Variants in MYCBP2 observed in about 807,000 individuals in gnomAD.
MYCBP2 encodes E3 ubiquitin-protein ligase MYCBP2.
MYCBP2 carries 120 observed loss-of-function variants against 525.3 expected under a neutral mutation model. The ratio of observed to expected loss-of-function variants is 0.23; its 90% CI spans 0.20 to 0.27. The LOEUF is 0.27. Among genes scored for constraint, MYCBP2 ranks in the 10% least tolerant of loss-of-function variants. The pLI, the probability that MYCBP2 is intolerant of heterozygous loss-of-function variation, is 1.00. For missense variants in MYCBP2, 4,149 were observed against 5,657.1 expected, an observed-to-expected ratio of 0.73 and a Z score of 8.55; for synonymous variants, 1,894 against 1,955.8, an observed-to-expected ratio of 0.97 and a Z score of 0.83.
At chr13:77,177,123 T>C (rs1190093712) in intron 35 of MYCBP2, among the ~76,000 whole-genome samples, 2 of 151,428 alleles carry the variant, frequency 1.3e-5, no homozygotes, top group Non-Finnish European at 2.9e-5. Context: ...CATCTCAACA[T>C]TGTGTTTCTT....
Position 77,081,841 on chromosome 13 carries a change from C to T in MYCBP2, c.11189G>A (p.Ser3730Asn). The T allele has an allele frequency of 6.2e-7, 1 of 1,611,950 alleles. No homozygotes were observed. ...ATAATAACTGAAATGACTGACCTGA[C>T]TCATAGCTTCAAAGCCAGACTGTAT... Reference protein sequence around the residue: ...ISIQSGFEAMSQELCIVMCLK... With the variant: ...ISIQSGFEAMNQELCIVMCLK... The change falls in exon 64 of 83, where the codon AGT becomes AAT. Residue 3730 changes from serine to asparagine, a missense_variant. By Grantham distance (46) the Ser-to-Asn change is conservative. Coordinates refer to ENST00000544440, the MANE Select transcript of MYCBP2 (RefSeq NM_015057.5). The surrounding 1 kb of genome is among the most constrained non-coding windows in gnomAD (Gnocchi z 4.6).
At chr13:77,165,793 A>G (rs1349520154) in intron 41 of MYCBP2, among the ~76,000 whole-genome samples, 1 of 152,216 alleles carries the variant, frequency 6.6e-6, no homozygotes, top group East Asian at 1.9e-4. Flanking sequence ...ACAAATAGGC[A>G]GGTCAGAGTG....
At chr13:77,293,778 AG>A (rs1239246215) in intron 2 of MYCBP2, among the ~76,000 whole-genome samples, 1 of 152,114 alleles carries the variant, frequency 6.6e-6, no homozygotes, top group Non-Finnish European at 1.5e-5. Flanking sequence ...CCACAACCCA[AG>A]ACATCTGAGC....
At chr13:77,321,014 C>G (rs992399738) in intron 1 of MYCBP2, among the ~76,000 whole-genome samples, 3 of 152,146 alleles carry the variant, frequency 2.0e-5, no homozygotes, top group Non-Finnish European at 2.9e-5. Flanking sequence ...TGGAAACAGT[C>G]TATACTTGAC....
intron 52 of MYCBP2, 141 bp from the exon 53 acceptor site, chr13:77,126,683 T>G: frequency 1.6e-6 from 1 of 606,598 alleles, no homozygotes; most frequent in Non-Finnish European, 2.8e-6. Context: ...ACTGAAGAAT[T>G]AGTCATTAGC....
At chr13:77,048,484 T>A (rs1451480253) in intron 82 of MYCBP2, among the ~76,000 whole-genome samples, 1 of 152,208 alleles carries the variant, frequency 6.6e-6, no homozygotes, top group Non-Finnish European at 1.5e-5. Context: ...GTAAACTGTA[T>A]ATGGCCATCT....
chr13:77,185,846 G>A, intron 31 of MYCBP2, 25 bp downstream of exon 31: 1 of 1,495,266 alleles, frequency 6.7e-7, no homozygotes, highest in Non-Finnish European at 9.0e-7. Flanking sequence ...TCTCCCTATA[G>A]TCATTTAAAA....
intron 52 of MYCBP2, among the ~76,000 whole-genome samples, chr13:77,135,089 A>G (rs1435277440): frequency 6.6e-6 from 1 of 152,244 alleles, no homozygotes; most frequent in African/African-American, 2.4e-5. Flanking sequence ...TAACGTGCAC[A>G]CATTGATGTC....
At chr13:77,292,888 T>C (rs755386713) in intron 2 of MYCBP2, among the ~76,000 whole-genome samples, 3 of 134,538 alleles carry the variant, frequency 2.2e-5, no homozygotes, top group Non-Finnish European at 3.0e-5. Context: ...ACCCAGGAGG[T>C]AGAAGCTGCA....
intron 7 of MYCBP2, among the ~76,000 whole-genome samples, chr13:77,268,957 A>G (rs544720086): frequency 7.9e-5 from 12 of 152,196 alleles, no homozygotes; most frequent in Non-Finnish European, 1.8e-4. Flanking sequence ...GGAAATCTTT[A>G]TTCTTTATCC....
At chr13:77,178,084 C>T (rs2059878944) in intron 34 of MYCBP2, 130 bp from the exon 35 acceptor site, 1 of 631,100 alleles carries the variant, frequency 1.6e-6, no homozygotes, top group African/African-American at 1.8e-5. Context: ...AAGGTATGTT[C>T]TACTGAGAGA....
intron 4 of MYCBP2, among the ~76,000 whole-genome samples, chr13:77,276,098 T>C (rs988026812): frequency 1.3e-5 from 2 of 152,350 alleles, no homozygotes; most frequent in South Asian, 2.1e-4. Flanking sequence ...ATAACAGCAA[T>C]AGTATCGCAC....
intron 1 of MYCBP2, among the ~76,000 whole-genome samples, chr13:77,299,210 C>T (rs1444165857): frequency 6.6e-6 from 1 of 152,104 alleles, no homozygotes; most frequent in Non-Finnish European, 1.5e-5. Flanking sequence ...CAAGTTATAA[C>T]TGACTCAAAT....
chr13:77,149,971 A>T (rs1228936471), intron 47 of MYCBP2, among the ~76,000 whole-genome samples: 1 of 152,210 alleles, frequency 6.6e-6, no homozygotes, highest in Non-Finnish European at 1.5e-5. Flanking sequence ...TACAAAACAC[A>T]AATCTAATCA....
At chr13:77,317,938 A>AAAAACAT (rs2081152951) in intron 1 of MYCBP2, among the ~76,000 whole-genome samples, 3 of 131,962 alleles carry the variant, frequency 2.3e-5, no homozygotes, top group African/African-American at 8.7e-5. Flanking sequence ...CTCCGTCTCA[A>AAAAACAT]AACATAACAT....
chr13:77,159,801 C>T (rs2057665822), intron 44 of MYCBP2, among the ~76,000 whole-genome samples: 1 of 152,238 alleles, frequency 6.6e-6, no homozygotes, highest in Admixed American at 6.5e-5. Flanking sequence ...TACCCAGCCT[C>T]AGGTAGTTCT....
intron 58 of MYCBP2, among the ~76,000 whole-genome samples, chr13:77,094,209 T>G (rs2045886840): frequency 6.6e-6 from 1 of 152,160 alleles, no homozygotes; most frequent in African/African-American, 2.4e-5. Context: ...CGGCAAGCCA[T>G]GTCAGTGGGC....
At chr13:77,123,021 C>G (rs1444991992) in intron 54 of MYCBP2, among the ~76,000 whole-genome samples, 2 of 152,172 alleles carry the variant, frequency 1.3e-5, no homozygotes, top group African/African-American at 4.8e-5. Flanking sequence ...TCTGTTTTTA[C>G]CACAGCAGTA....
chr13:77,270,534 G>A lies in MYCBP2; in HGVS notation c.950C>T (p.Pro317Leu). The change falls in exon 6 of 83, where the codon CCA becomes CTA. Residue 317 changes from proline to leucine, a missense_variant. Pro to Leu is a moderately conservative substitution (Grantham distance 98). This residue lies in a region of MYCBP2 where 413 missense variants were observed against 451.2 expected (regional missense o/e 0.92). Transcript: ENST00000544440. ...TCTCTGTAGCGAATTTAGAATTGTT[G>A]GCACCTAATCAAAAGAGAAGAAAAA... ...GSHACQTIQV[P>L]TILNSLQRSV... The A allele has an allele frequency of 6.3e-7, 1 of 1,597,364 alleles. No individual in the cohort carries two copies. The highest frequency in any genetic ancestry group is 8.5e-7 in the Non-Finnish European group (1 of 1,170,334).
Sources: gnomAD v4.1 joint callset for allele counts (sites outside exome capture counted in the v4.1 genomes callset) on GRCh38, gnomAD v4.1.1 for gene constraint, gnomAD v4.1.1 regional missense constraint, Gnocchi (gnomAD v3.1) non-coding constraint, MANE v1.5 for transcripts, NCBI Gene and HGNC (gene_info 2026-07-23, HGNC 2026-07-21) for gene names.